KCNK2: variants seen among roughly 807,000 people sequenced by gnomAD.
The protein encoded by KCNK2 is potassium channel subfamily K member 2.
KCNK2 carries 21 observed loss-of-function variants against 40.5 expected under a neutral mutation model. The observed-to-expected ratio is 0.52, with a 90% CI of 0.37 to 0.75. KCNK2 has a LOEUF of 0.75. Ranked by LOEUF, KCNK2 falls within the 30% of genes least tolerant of loss-of-function variation. The probability of loss-of-function intolerance (pLI) is 0.00; values close to 1 mark genes in which losing one functional copy is unlikely to be tolerated. For missense variants in KCNK2, 399 were observed against 531.6 expected (o/e 0.75, Z 2.45); for synonymous variants, 191 against 202.2 (o/e 0.94, Z 0.47).
At chr1:215,105,770 G>A (rs1349369294) in intron 2 of KCNK2, among the ~76,000 whole-genome samples, 5 of 151,666 alleles carry the variant, frequency 3.3e-5, no homozygotes, top group East Asian at 1.9e-4. Context: ...AGTAGTTCCC[G>A]GTGTCTGTTG....
chr1:215,175,201 C>A (rs928243864), intron 5 of KCNK2, among the ~76,000 whole-genome samples: 9 of 152,050 alleles, frequency 5.9e-5, no homozygotes, highest in Admixed American at 1.3e-4. Flanking sequence ...TTGTCAAAGG[C>A]CTTTTCTGCA....
chr1:215,029,072 C>T (rs761324050), intron 1 of KCNK2, among the ~76,000 whole-genome samples: 2 of 151,770 alleles, frequency 1.3e-5, no homozygotes, highest in South Asian at 2.1e-4. Context: ...AAAAGCTTCC[C>T]GCAATATCAA....
At chr1:215,100,537 C>T (rs967472186) in intron 2 of KCNK2, among the ~76,000 whole-genome samples, 3 of 152,026 alleles carry the variant, frequency 2.0e-5, no homozygotes, top group South Asian at 2.1e-4. Context: ...TACTTTAAAG[C>T]TTAATTTGGT....
chr1:215,223,135 C>G (rs1359639455), intron 6 of KCNK2, among the ~76,000 whole-genome samples: 1 of 150,696 alleles, frequency 6.6e-6, no homozygotes, highest in Non-Finnish European at 1.5e-5. Context: ...TTCTTAAATC[C>G]TAAATTCTCA....
At chr1:215,135,555 C>A (rs1238460651) in intron 3 of KCNK2, among the ~76,000 whole-genome samples, 1 of 150,996 alleles carries the variant, frequency 6.6e-6, no homozygotes, top group Non-Finnish European at 1.5e-5. Flanking sequence ...TTAATTCATA[C>A]CCCTAATTTT....
At chr1:215,065,878 C>T (rs1234995805) in intron 1 of KCNK2, among the ~76,000 whole-genome samples, 1 of 152,096 alleles carries the variant, frequency 6.6e-6, no homozygotes, top group African/African-American at 2.4e-5. Context: ...CATCTTTAGT[C>T]CCACCTACTC....
chr1:215,171,655 T>C (rs1314491010), intron 4 of KCNK2, among the ~76,000 whole-genome samples: 1 of 152,164 alleles, frequency 6.6e-6, no homozygotes, highest in African/African-American at 2.4e-5. Flanking sequence ...AAACAAATAA[T>C]GATGCAAATC....
chr1:215,034,066 C>G (rs1657298187), intron 1 of KCNK2, among the ~76,000 whole-genome samples: 1 of 152,142 alleles, frequency 6.6e-6, no homozygotes, highest in Non-Finnish European at 1.5e-5. Flanking sequence ...TTTGTATTCT[C>G]TTGTTGTTCT....
In KCNK2 at chr1:215,076,673, G is replaced by A. The variant is rs190013620; in HGVS notation, c.35-9695G>A. On this transcript the variant is annotated intron_variant, in intron 1 of 6. Transcript: ENST00000391895. ...TACTGAAAGGGATATTCCATCACTT[G>A]TGCCATATTCTATTTATCAGAAGGA... Among the ~76,000 whole-genome samples, 56 of 152,280 alleles carry A rather than the reference G, an allele frequency of 3.7e-4. 1 individual carries two copies. Among genetic ancestry groups the A allele is most frequent in the African/African-American group, 1.2e-3 (49 of 41,544 alleles).
chr1:215,160,564 A>G (rs1305706165), intron 3 of KCNK2, among the ~76,000 whole-genome samples: 1 of 152,178 alleles, frequency 6.6e-6, no homozygotes, highest in Middle Eastern at 3.2e-3. Flanking sequence ...ATCATTAGAC[A>G]TTCTTCAGTG....
At chr1:215,145,520 A>G (rs925237074) in intron 3 of KCNK2, among the ~76,000 whole-genome samples, 3 of 152,180 alleles carry the variant, frequency 2.0e-5, no homozygotes, top group Non-Finnish European at 4.4e-5. Context: ...GGCACTTTAG[A>G]TTACTTATGT....
At chr1:215,019,966 C>A (rs1013844131) in intron 1 of KCNK2, among the ~76,000 whole-genome samples, 4 of 149,918 alleles carry the variant, frequency 2.7e-5, no homozygotes, top group Admixed American at 6.7e-5. Context: ...TATATATTTA[C>A]CATATTGTAC....
chr1:215,141,908 GT>G (rs1482546219), intron 3 of KCNK2, among the ~76,000 whole-genome samples: 1 of 152,030 alleles, frequency 6.6e-6, no homozygotes, highest in Non-Finnish European at 1.5e-5. Flanking sequence ...TATGCTGATG[GT>G]TCTGCCTTTC....
At chr1:215,006,442 A>C (rs1656130750) in intron 1 of KCNK2, among the ~76,000 whole-genome samples, 3 of 152,194 alleles carry the variant, frequency 2.0e-5, no homozygotes, top group Admixed American at 2.0e-4. Context: ...AATCTTGGAA[A>C]TGGGGAAGAA....
chr1:215,047,843 C>T (rs1487999295), intron 1 of KCNK2, among the ~76,000 whole-genome samples: 4 of 152,052 alleles, frequency 2.6e-5, no homozygotes, highest in African/African-American at 9.7e-5. Flanking sequence ...ATAGATAGAA[C>T]TCTGTGAATA....
At chr1:215,078,464 G>A (rs1379567515), upstream of KCNK2, among the ~76,000 whole-genome samples, 1 of 152,172 alleles carries the variant, frequency 6.6e-6, no homozygotes, top group Admixed American at 6.5e-5. Context: ...TACAGTCATG[G>A]CAGAAGGCAC....
rs555301783 is a variant in KCNK2, at chr1:215,201,498, C to T, written c.963+6406C>T. On this transcript the variant is annotated intron_variant, in intron 6 of 6. Transcript: ENST00000444842. ...TTTATGGAAATGGGAGCCCTTGGAG[C>T]ATGACTAATAGAAATCCATATGAAT... Among the ~76,000 whole-genome samples, 10 of 152,254 alleles carry T rather than the reference C, an allele frequency of 6.6e-5. No individual in the cohort carries two copies. The East Asian group carries it at 1.9e-3, about 29-fold the overall frequency.
intron 1 of KCNK2, among the ~76,000 whole-genome samples, chr1:215,040,134 G>A (rs764852629): frequency 2.6e-5 from 4 of 152,118 alleles, no homozygotes. Flanking sequence ...AGGCTTTTGA[G>A]TCAGGAAATC....
intron 6 of KCNK2, among the ~76,000 whole-genome samples, chr1:215,208,599 C>T (rs1439889375): frequency 6.6e-6 from 1 of 152,114 alleles, no homozygotes; most frequent in Non-Finnish European, 1.5e-5. Context: ...TTTTCATAAG[C>T]TCCCGACATC....
Sources: gnomAD v4.1 joint callset for allele counts (sites outside exome capture counted in the v4.1 genomes callset) on GRCh38, gnomAD v4.1.1 for gene constraint, MANE v1.5 for transcripts, NCBI Gene and HGNC (gene_info 2026-07-23, HGNC 2026-07-21) for gene names.